Variants in IGSF10 observed in about 807,000 individuals in gnomAD.
The protein encoded by IGSF10 is immunoglobulin superfamily member 10.
In IGSF10, 126 loss-of-function variants were observed where a neutral mutation model predicts 128.2. The observed-to-expected ratio is 0.98, with a 90% CI of 0.85 to 1.14. The LOEUF is 1.14. IGSF10 is among the 50% of genes most tolerant of loss of function. IGSF10 has a pLI of 0.00. For missense variants in IGSF10, 3,295 were observed against 3,149.8 expected (o/e 1.05, Z -1.10); for synonymous variants, 1,185 against 1,146.2 (o/e 1.03, Z -0.68).
At chr3:151,537,545 A>G in the IGSF10 span, among the ~76,000 whole-genome samples, 4 of 152,154 alleles carry the variant, frequency 2.6e-5, no homozygotes, top group Admixed American at 2.0e-4. Context: ...TGATGCTATG[A>G]TGAAGCACTT....
At chr3:151,474,133 C>T in the IGSF10 span, among the ~76,000 whole-genome samples, 1 of 152,112 alleles carries the variant, frequency 6.6e-6, no homozygotes, top group Non-Finnish European at 1.5e-5. Flanking sequence ...ACAACATACA[C>T]ATTCAAAACA....
chr3:151,534,586 G>A, the IGSF10 span, among the ~76,000 whole-genome samples: 37 of 149,088 alleles, frequency 2.5e-4, no homozygotes, highest in Non-Finnish European at 4.9e-4. Flanking sequence ...GTTCTCACTC[G>A]TAAGTGGGAG....
chr3:151,561,029 C>T, the IGSF10 span, among the ~76,000 whole-genome samples: 1 of 152,076 alleles, frequency 6.6e-6, no homozygotes, highest in Non-Finnish European at 1.5e-5. Context: ...CTAAATTGAG[C>T]CAACATATTT....
the IGSF10 span, among the ~76,000 whole-genome samples, chr3:151,477,498 T>C: frequency 5.9e-5 from 9 of 152,320 alleles, no homozygotes; most frequent in East Asian, 1.5e-3. Context: ...AAGTTTTTAT[T>C]TTTCATTGTT....
Position 151,458,663 on chromosome 3 carries a change from G to A in IGSF10, c.47C>T (p.Ala16Val), listed in dbSNP as rs199527565. The A allele has an allele frequency of 2.3e-4, 369 of 1,613,974 alleles. No individual in the cohort carries two copies. Among genetic ancestry groups the A allele is most frequent in the Non-Finnish European group, 2.9e-4 (339 of 1,180,014 alleles). The change falls in exon 3 of 8, where the codon GCT (alanine) becomes GTT (valine). Residue 16 changes from alanine to valine, a missense_variant. Coordinates refer to ENST00000282466, the MANE Select transcript of IGSF10 (RefSeq NM_178822.5). ...RGITCLLVSF[A>V]VICLVATPGG... ...AGGGGTGGCGACCAGGCAGATCACA[G>A]CAAAGGAGACCAGCAAGCAGGTGAT...
chr3:151,435,123 A>G (rs144495158), downstream of IGSF10: 1 of 150,284 alleles, frequency 6.7e-6, no homozygotes, highest in East Asian at 2.0e-4. Flanking sequence ...AGATGGTCAC[A>G]AGGTAAAGCC....
At chr3:151,533,804 G>A in the IGSF10 span, among the ~76,000 whole-genome samples, 1 of 152,298 alleles carries the variant, frequency 6.6e-6, no homozygotes, top group East Asian at 1.9e-4. Flanking sequence ...ATTGACAAAT[G>A]GGATCTAATT....
At chr3:151,512,102 C>T in the IGSF10 span, among the ~76,000 whole-genome samples, 3 of 152,164 alleles carry the variant, frequency 2.0e-5, no homozygotes, top group African/African-American at 7.2e-5. Flanking sequence ...CTCAGCTCTG[C>T]ACCAAGTGGA....
the IGSF10 span, among the ~76,000 whole-genome samples, chr3:151,507,758 A>G: frequency 6.6e-6 from 1 of 152,194 alleles, no homozygotes; most frequent in African/African-American, 2.4e-5. Context: ...CTCTGCCCAC[A>G]TGAGGATTAT....
chr3:151,513,012 A>C, the IGSF10 span, among the ~76,000 whole-genome samples: 26 of 152,206 alleles, frequency 1.7e-4, no homozygotes, highest in South Asian at 2.1e-3. Flanking sequence ...CAGATGGATT[A>C]ACAGCCGAAT....
the IGSF10 span, among the ~76,000 whole-genome samples, chr3:151,529,728 T>C: frequency 6.6e-6 from 1 of 151,926 alleles, no homozygotes; most frequent in Non-Finnish European, 1.5e-5. Flanking sequence ...AGACCAAAGG[T>C]AGATAATTCC....
the IGSF10 span, among the ~76,000 whole-genome samples, chr3:151,528,923 C>T: frequency 1.3e-5 from 2 of 151,188 alleles, no homozygotes; most frequent in Admixed American, 6.6e-5. Context: ...GGGTCCCACC[C>T]CCATGGAGCC....
rs766036065 is a variant in IGSF10 at position 151,437,779 on chromosome 3, C to CAGT, written c.6779_6781dup (p.Asp2260_Cys2261insTyr). 1.9e-6 allele frequency: 3 copies of CAGT among 1,613,764 alleles called. No homozygotes were observed. The highest frequency in any genetic ancestry group is 8.5e-7 in the Non-Finnish European group (1 of 1,179,884). On this transcript the variant is annotated inframe_insertion, in exon 8 of 8. Coordinates refer to ENST00000282466, the MANE Select transcript of IGSF10 (RefSeq NM_178822.5). ...AGGAGATGGTGTCCCTTCAGCTCTGCAGTCAAAGTGTTTTTTGGAATGTCT... is the reference window on the plus strand; with the variant it reads ...AGGAGATGGTGTCCCTTCAGCTCTGCAGTAGTCAAAGTGTTTTTTGGAATGTCT...
At chr3:151,432,530 C>T (rs936715426), downstream of IGSF10, among the ~76,000 whole-genome samples, 8 of 152,220 alleles carry the variant, frequency 5.3e-5, no homozygotes, top group African/African-American at 1.4e-4. Context: ...CTAAATCCTG[C>T]GGCCTTGCAT....
the IGSF10 span, among the ~76,000 whole-genome samples, chr3:151,591,589 C>T: frequency 0.015 from 2,316 of 151,766 alleles, 19 homozygotes; most frequent in South Asian, 0.057. Context: ...AGGGAGTTAA[C>T]GATCTAGAAG....
At chr3:151,483,121 T>C in the IGSF10 span, among the ~76,000 whole-genome samples, 3 of 152,086 alleles carry the variant, frequency 2.0e-5, no homozygotes, top group African/African-American at 7.2e-5. Flanking sequence ...AACTTACTAG[T>C]AGAGATAAAT....
chr3:151,438,617 A>T lies in IGSF10; in HGVS notation c.5964-20T>A, dbSNP rs753961925. On this transcript the variant is annotated intron_variant, in intron 7 of 7. Coordinates refer to ENST00000282466, the MANE Select transcript of IGSF10 (RefSeq NM_178822.5). Reference sequence around the variant, plus strand: ...CCCACTCTAAGGAGAAAAGAGATTCATTTGAGTGTGCAGCTGTTAGCAATG... The same window carrying T: ...CCCACTCTAAGGAGAAAAGAGATTCTTTTGAGTGTGCAGCTGTTAGCAATG... 6.3e-7 allele frequency: 1 copy of T among 1,584,578 alleles called. No homozygotes were observed. Among genetic ancestry groups the T allele is most frequent in the African/African-American group, 1.3e-5 (1 of 74,192 alleles).
At chr3:151,542,802 T>A in the IGSF10 span, among the ~76,000 whole-genome samples, 1 of 152,216 alleles carries the variant, frequency 6.6e-6, no homozygotes, top group South Asian at 2.1e-4. Context: ...TGTTGATGAT[T>A]GTAATTTGTT....
At chr3:151,550,875 G>A in the IGSF10 span, among the ~76,000 whole-genome samples, 2 of 152,032 alleles carry the variant, frequency 1.3e-5, no homozygotes, top group Admixed American at 6.6e-5. Context: ...TCTGGCCTAC[G>A]CTCCTGCCTG....
Sources: allele counts gnomAD v4.1 joint callset (sites outside exome capture counted in the v4.1 genomes callset), GRCh38; gene constraint gnomAD v4.1.1; transcripts MANE v1.5; gene names NCBI Gene and HGNC (gene_info 2026-07-23, HGNC 2026-07-21).